SIK3: variants seen among roughly 807,000 people sequenced by gnomAD.
The protein encoded by SIK3 is serine/threonine-protein kinase SIK3.
Under a neutral mutation model 144.2 loss-of-function variants are expected in SIK3, and 28 were observed. That is an observed-to-expected ratio of 0.19 (90% CI 0.14 to 0.27). The LOEUF is 0.27. SIK3 is among the 10% of genes least tolerant of loss of function. The pLI, the probability that SIK3 is intolerant of heterozygous loss-of-function variation, is 1.00. For synonymous variants in SIK3, 686 were observed against 676.3 expected (o/e 1.01, Z -0.22); for missense variants, 1,319 against 1,776.0 (o/e 0.74, Z 4.62).
chr11:116,858,282 TTGCTGTTGCTGCTGTTGCTGC>T lies in SIK3; in HGVS notation c.3162_3182del (p.Gln1055_Gln1061del). 2.5e-6 allele frequency: 4 copies of T among 1,613,514 alleles called. No homozygotes were observed. The highest frequency in any genetic ancestry group is 3.4e-6 in the Non-Finnish European group (4 of 1,179,596). On this transcript the variant is annotated inframe_deletion, in exon 21 of 25. Coordinates refer to ENST00000445177, the MANE Select transcript of SIK3 (RefSeq NM_001366686.3). The surrounding 1 kb of genome is among the most constrained non-coding windows in gnomAD (Gnocchi z 5.4). ...TGTGCCTGAACAGTTCCTGGTATTC[TTGCTGTTGCTGCTGTTGCTGC>T]TGCTGCTGCCGTTGTTGCTGCTGCC...
intron 4 of SIK3, among the ~76,000 whole-genome samples, chr11:116,906,734 AT>A (rs1180190862): frequency 6.6e-6 from 1 of 152,200 alleles, no homozygotes; most frequent in Non-Finnish European, 1.5e-5. Context: ...AAATGGTATC[AT>A]TTTCCCCTCA....
intron 3 of SIK3, among the ~76,000 whole-genome samples, chr11:116,927,701 AAGACTGCAC>A (rs1323747628): frequency 2.0e-5 from 3 of 152,220 alleles, no homozygotes; most frequent in Non-Finnish European, 2.9e-5. Context: ...CTCACTGCAG[AAGACTGCAC>A]AGACATGAGC....
chr11:117,030,625 G>A (rs2135794388), intron 1 of SIK3, among the ~76,000 whole-genome samples: 1 of 152,162 alleles, frequency 6.6e-6, no homozygotes, highest in African/African-American at 2.4e-5. Flanking sequence ...TTCTGCTTTA[G>A]CCTTTTTTCC....
intron 1 of SIK3, among the ~76,000 whole-genome samples, chr11:117,065,472 T>C (rs964903245): frequency 1.1e-4 from 16 of 152,056 alleles, no homozygotes; most frequent in African/African-American, 3.9e-4. Flanking sequence ...AAACAATCCA[T>C]GAAAACGAAT....
intron 3 of SIK3, among the ~76,000 whole-genome samples, chr11:116,936,093 A>C (rs1039441601): frequency 1.3e-5 from 2 of 152,226 alleles, no homozygotes; most frequent in African/African-American, 2.4e-5. Flanking sequence ...TGGGCAACAT[A>C]GTGAGATCCC....
At chr11:116,898,081 G>A (rs986250700) in intron 4 of SIK3, among the ~76,000 whole-genome samples, 24 of 151,686 alleles carry the variant, frequency 1.6e-4, no homozygotes, top group East Asian at 3.9e-4. Flanking sequence ...CCACTAACTC[G>A]TCATCTAGCA....
At chr11:116,944,913 A>G (rs1310079528) in intron 3 of SIK3, among the ~76,000 whole-genome samples, 1 of 152,120 alleles carries the variant, frequency 6.6e-6, no homozygotes, top group Non-Finnish European at 1.5e-5. Flanking sequence ...ATTTAAATGT[A>G]AATTAAATTC....
At chr11:116,988,778 A>G (rs1950406827) in intron 1 of SIK3, among the ~76,000 whole-genome samples, 1 of 151,728 alleles carries the variant, frequency 6.6e-6, no homozygotes, top group Non-Finnish European at 1.5e-5. Flanking sequence ...TAGGTAACAA[A>G]GCAAGACTCT....
At chr11:116,847,817 G>C (rs959688775) in intron 22 of SIK3, among the ~76,000 whole-genome samples, 1 of 152,194 alleles carries the variant, frequency 6.6e-6, no homozygotes, top group African/African-American at 2.4e-5. Flanking sequence ...GGGGGCTGAG[G>C]GTGGGGCGGA....
rs71037442 is a variant in SIK3, at chr11:117,013,972, C to CTTT, written c.274-56911_274-56909dup. 8.2e-3 allele frequency among the ~76,000 whole-genome samples: 221 copies of CTTT among 27,036 alleles called. 34 individuals are homozygous for CTTT. The highest frequency in any genetic ancestry group is 0.021 in the African/African-American group (188 of 9,080). 17.7% of individuals were successfully genotyped at this position (27,036 alleles called of 152,430 possible). ...TGTGTTTTATTTCTTTTTTTCTTTT[C>CTTT]TTTTTTTTTTTTTTTTTTTTTTGAG... On this transcript the variant is annotated intron_variant, in intron 1 of 24. Transcript: ENST00000445177.
intron 1 of SIK3, among the ~76,000 whole-genome samples, chr11:116,961,802 T>C (rs562518323): frequency 8.5e-5 from 13 of 152,312 alleles, no homozygotes; most frequent in Non-Finnish European, 1.2e-4. Context: ...ACTAAAGAGA[T>C]AACAGATTGT....
chr11:116,999,355 C>G (rs1160596895), intron 1 of SIK3, among the ~76,000 whole-genome samples: 1 of 152,150 alleles, frequency 6.6e-6, no homozygotes, highest in African/African-American at 2.4e-5. Context: ...ACTTAAATGT[C>G]TGACTTTTCT....
intron 1 of SIK3, among the ~76,000 whole-genome samples, chr11:116,965,736 TATATATATA>T (rs1949507602): frequency 3.9e-4 from 1 of 2,534 alleles, no homozygotes; most frequent in African/African-American, 7.8e-4. Context: ...TCTGCTAAAA[TATATATATA>T]TATATATATA....
rs1943740642 is a variant in SIK3, at chr11:116,867,954, A to C, written c.1944T>G (p.Asp648Glu). ...CTCATGTGGCTACTCACCGATGCTG[A>C]TCAGGTACCAGGTGAGGAGGCCAGA... ...SRVWPPHLVP[D>E]QHRSTYKDSN... Residue 648 changes from aspartate (D) to glutamate (E), a missense_variant, in exon 15 of 25, where the codon GAT becomes GAG. Asp to Glu is a conservative substitution (Grantham distance 45). Around this residue, in one of 8 missense-constraint regions of SIK3, gnomAD observed 47 missense variants for 40.2 expected, o/e 1.17. Coordinates refer to ENST00000445177, the MANE Select transcript of SIK3 (RefSeq NM_001366686.3). The surrounding 1 kb of genome is among the most constrained non-coding windows in gnomAD (Gnocchi z 4.1). 2 of 1,543,428 alleles carry C rather than the reference A, an allele frequency of 1.3e-6. No homozygotes were observed. The highest frequency in any genetic ancestry group is 4.0e-5 in the Admixed American group (2 of 50,370).
intron 1 of SIK3, among the ~76,000 whole-genome samples, chr11:117,022,833 T>C (rs1489905901): frequency 5.6e-5 from 4 of 71,754 alleles, no homozygotes; most frequent in Non-Finnish European, 1.4e-4. Context: ...TGTGAAGAAG[T>C]TAAAAAAAAA....
chr11:116,876,466 A>G, intron 7 of SIK3, 103 bp from the exon 8 acceptor site: 1 of 960,362 alleles, frequency 1.0e-6, no homozygotes. Context: ...CTGGCTTGGG[A>G]TATTTTTGGC....
intron 1 of SIK3, among the ~76,000 whole-genome samples, chr11:117,027,003 A>G (rs546155252): frequency 2.0e-4 from 30 of 152,344 alleles, no homozygotes; most frequent in African/African-American, 7.2e-4. Context: ...TTCTTACGGA[A>G]AACTTGGAAA....
intron 13 of SIK3, among the ~76,000 whole-genome samples, chr11:116,872,868 T>C (rs765408807): frequency 7.9e-5 from 12 of 152,026 alleles, no homozygotes; most frequent in Non-Finnish European, 1.3e-4. Context: ...TACTATGAGA[T>C]TGAATGAATA....
chr11:116,873,929 G>A lies in SIK3; in HGVS notation c.1555C>T (p.Gln519Ter). ...MHNLLPMQNL[Q>*]PTGQLEYKEQ... is the part of the protein sequence containing the mutation. ...TTGTACTCAAGTTGCCCGGTTGGTT[G>A]CAAGTTTTGCATAGGCAACAGGTTG... Residue 519 changes from glutamine to a stop codon, truncating the protein, a stop_gained, in exon 12 of 25, where the codon CAA becomes TAA. Coordinates refer to ENST00000445177, the MANE Select transcript of SIK3 (RefSeq NM_001366686.3). LOFTEE classifies it high-confidence loss of function. The A allele has an allele frequency of 6.2e-7, 1 of 1,613,188 alleles. No individual in the cohort carries two copies. The highest frequency in any genetic ancestry group is 8.5e-7 in the Non-Finnish European group (1 of 1,179,642).
Sources: gnomAD v4.1 joint callset for allele counts (sites outside exome capture counted in the v4.1 genomes callset) on GRCh38, gnomAD v4.1.1 for gene constraint, gnomAD v4.1.1 regional missense constraint, Gnocchi (gnomAD v3.1) non-coding constraint, MANE v1.5 for transcripts, NCBI Gene and HGNC (gene_info 2026-07-23, HGNC 2026-07-21) for gene names.